The following EFHC1 variants were observed in gnomAD, a reference collection of about 807,000 sequenced individuals.
EFHC1 encodes the protein EF-hand domain-containing protein 1.
Under a neutral mutation model 69.9 loss-of-function variants are expected in EFHC1, and 53 were observed. That is an observed-to-expected ratio of 0.76 (90% confidence interval 0.61 to 0.95). EFHC1 has a LOEUF of 0.95. Ranked by LOEUF, EFHC1 falls within the 40% of genes least tolerant of loss-of-function variation. EFHC1 has a pLI of 0.00. For synonymous variants in EFHC1, 256 were observed against 278.4 expected, an observed-to-expected ratio of 0.92 and a Z score of 0.80; for missense variants, 739 against 798.7, an observed-to-expected ratio of 0.93 and a Z score of 0.90.
chr6:52,435,930 T>C (rs1764522269), intron 2 of EFHC1, among the ~76,000 whole-genome samples: 1 of 152,198 alleles, frequency 6.6e-6, no homozygotes, highest in Non-Finnish European at 1.5e-5. Context: ...GAGAGAATAT[T>C]GGGTTGTGAG....
At chr6:52,472,786 A>C (rs938724465) in intron 7 of EFHC1, among the ~76,000 whole-genome samples, 1 of 151,924 alleles carries the variant, frequency 6.6e-6, no homozygotes, top group Non-Finnish European at 1.5e-5. Flanking sequence ...CATATCTTTT[A>C]GGTGTTACAT....
At chr6:52,460,557 C>A (rs1378739907) in intron 5 of EFHC1, among the ~76,000 whole-genome samples, 1 of 152,036 alleles carries the variant, frequency 6.6e-6, no homozygotes, top group Non-Finnish European at 1.5e-5. Flanking sequence ...AATATAAATT[C>A]CTATCTAGAT....
chr6:52,449,362 CAG>C lies in EFHC1; in HGVS notation c.574-3323_574-3322del, dbSNP rs527798767. Among the ~76,000 whole-genome samples the C allele has an allele frequency of 2.5e-3, 358 of 145,016 alleles. 2 individuals are homozygous for C. The highest frequency in any genetic ancestry group is 8.9e-3 in the African/African-American group (338 of 37,994). The stretch of plus-strand genomic sequence containing the variant: ...TGCCACTGCACTCCAGTCTGGGCGA[CAG>C]AGCAAGACTCCATCTCAAAAAAAAA... On this transcript the variant is annotated intron_variant, in intron 3 of 10. Transcript: ENST00000371068.
intron 5 of EFHC1, among the ~76,000 whole-genome samples, chr6:52,457,071 A>G (rs1276866318): frequency 6.6e-6 from 1 of 152,236 alleles, no homozygotes; most frequent in Non-Finnish European, 1.5e-5. Context: ...AAATTCAATT[A>G]AACAAGAGGT....
intron 5 of EFHC1, among the ~76,000 whole-genome samples, chr6:52,455,505 T>A (rs992658146): frequency 2.6e-5 from 4 of 151,934 alleles, no homozygotes; most frequent in Non-Finnish European, 5.9e-5. Context: ...ATACAAAAAA[T>A]TAGCTGGGCG....
chr6:52,494,464 A>G lies in EFHC1; in HGVS notation c.*2123A>G, dbSNP rs547153886. The G allele has an allele frequency of 5.1e-5, 23 of 454,138 alleles. No homozygotes were observed. The highest frequency in any genetic ancestry group is 3.8e-4 in the African/African-American group (19 of 50,140). The allele number at this position is 454,138 out of a possible 1,614,324, so 28.1% of individuals were successfully genotyped here. ...CCCATGTAGGCTCTGGGAAAGGTTA[A>G]GCGGGTAGAAACCAGAGAAAAAGGG... On this transcript the variant is annotated 3_prime_UTR_variant, in exon 11 of 11. Transcript: ENST00000371068.
chr6:52,434,971 C>T (rs917968071), intron 2 of EFHC1, among the ~76,000 whole-genome samples: 2 of 151,946 alleles, frequency 1.3e-5, no homozygotes, highest in Non-Finnish European at 1.5e-5. Context: ...AGGCCAACTT[C>T]CTGTTGCCAT....
chr6:52,452,561 CA>C, intron 3 of EFHC1, 126 bp from the exon 4 acceptor site: 6 of 1,090,366 alleles, frequency 5.5e-6, no homozygotes, highest in Non-Finnish European at 8.2e-6. Context: ...CTCAGCCTCC[CA>C]AAGTGCTGAG....
At chr6:52,456,387 G>A (rs1294379506) in intron 5 of EFHC1, among the ~76,000 whole-genome samples, 3 of 152,134 alleles carry the variant, frequency 2.0e-5, no homozygotes, top group African/African-American at 7.2e-5. Context: ...ACAAACATTA[G>A]ATTTACAATA....
rs145367062 is a variant in EFHC1 at position 52,424,092 on chromosome 6, A to G, written c.210A>G (p.Pro70=). Residue 70 remains proline, a synonymous_variant, in exon 2 of 11, where the codon CCA becomes CCG. Transcript: ENST00000371068. ...AELDELASKA[P]VLTYGQPKQA... ...TGGATGAGTTGGCCAGTAAGGCACC[A>G]GTCTTAACTTATGGCCAACCTAAAC... The G allele has an allele frequency of 6.8e-4, 1,092 of 1,614,190 alleles. 5 individuals are homozygous for G. In the African/African-American group the frequency reaches 0.012, roughly 18 times the overall value.
At chr6:52,440,392 AATAGCACTTCATCACT>A in intron 3 of EFHC1, among the ~76,000 whole-genome samples, 1 of 152,072 alleles carries the variant, frequency 6.6e-6, no homozygotes, top group African/African-American at 2.4e-5. Flanking sequence ...AGGAACACTA[AATAGCACTTCATCACT>A]AGGCACTGGG....
intron 2 of EFHC1, among the ~76,000 whole-genome samples, chr6:52,426,584 A>G (rs912747890): frequency 1.3e-5 from 2 of 152,124 alleles, no homozygotes; most frequent in Non-Finnish European, 2.9e-5. Flanking sequence ...GAGACTCCAG[A>G]TCTGTATCCC....
chr6:52,441,461 G>A (rs1033176318), intron 3 of EFHC1, among the ~76,000 whole-genome samples: 15 of 152,018 alleles, frequency 9.9e-5, no homozygotes, highest in African/African-American at 3.6e-4. Context: ...ATTGGTCTAT[G>A]TGTCTGTTTT....
intron 4 of EFHC1, chr6:52,453,642 T>C (rs1764969684): frequency 3.2e-6 from 4 of 1,248,010 alleles, no homozygotes; most frequent in South Asian, 1.4e-5. Context: ...AAAAAAAAGA[T>C]TGTGTTTATA....
In EFHC1 at chr6:52,490,350, G is replaced by A. The variant is rs1415036947; in HGVS notation, c.1851G>A (p.Glu617=). 6.2e-7 allele frequency: 1 copy of A among 1,613,292 alleles called. No homozygotes were observed. The highest frequency in any genetic ancestry group is 1.7e-5 in the Admixed American group (1 of 60,002). Residue 617 remains glutamate (E), a splice_region_variant and synonymous_variant, in exon 10 of 11, where the codon GAG becomes GAA. Transcript: ENST00000371068. ...CAGTGGATGACTCCTTGGTTAAGGA[G>A]GTCAGTATGAATTACTCTTCTGAGT... ...NVPVDDSLVK[E]LIRMCSHGEG... is the part of the protein sequence containing the mutation.
chr6:52,433,014 A>ACAT (rs926578186), intron 2 of EFHC1, among the ~76,000 whole-genome samples: 2 of 151,942 alleles, frequency 1.3e-5, no homozygotes, highest in African/African-American at 4.8e-5. Context: ...TTCTATAAGC[A>ACAT]CATCCATTGT....
chr6:52,455,022 G>C (rs1222010367), intron 5 of EFHC1, among the ~76,000 whole-genome samples: 1 of 151,958 alleles, frequency 6.6e-6, no homozygotes, highest in African/African-American at 2.4e-5. Context: ...AGCCTGGGAG[G>C]TCGAGGCTGC....
chr6:52,422,398 C>CT (rs1764209876), intron 1 of EFHC1, among the ~76,000 whole-genome samples: 1 of 151,862 alleles, frequency 6.6e-6, no homozygotes, highest in Non-Finnish European at 1.5e-5. Context: ...ATACCTGGAG[C>CT]AGTCCCTGTC....
intron 2 of EFHC1, among the ~76,000 whole-genome samples, chr6:52,429,546 GTCTA>G (rs1215668571): frequency 2.0e-5 from 3 of 152,102 alleles, no homozygotes; most frequent in African/African-American, 7.2e-5. Flanking sequence ...TATTCCATTG[GTCTA>G]TGTGCCTATT....
Sources: allele counts gnomAD v4.1 joint callset (sites outside exome capture counted in the v4.1 genomes callset), GRCh38; gene constraint gnomAD v4.1.1; transcripts MANE v1.5; gene names NCBI Gene and HGNC (gene_info 2026-07-23, HGNC 2026-07-21).